The following LONRF1 variants were observed in gnomAD, a reference collection of about 807,000 sequenced individuals.
LONRF1 encodes the protein LON peptidase N-terminal domain and ring finger 1.
Under a neutral mutation model 85.8 loss-of-function variants are expected in LONRF1, and 37 were observed. That is an observed-to-expected ratio of 0.43 (90% confidence interval 0.33 to 0.57). The LOEUF (loss-of-function observed/expected upper bound fraction) is 0.57. LONRF1 is among the 20% of genes least tolerant of loss of function. The pLI is 0.04. For synonymous variants in LONRF1, 517 were observed against 390.1 expected, an observed-to-expected ratio of 1.33 and a Z score of -3.83; for missense variants, 1,036 against 978.0, an observed-to-expected ratio of 1.06 and a Z score of -0.79.
chr8:12,723,874 A>C (rs1806037079), intron 11 of LONRF1, among the ~76,000 whole-genome samples: 1 of 152,236 alleles, frequency 6.6e-6, no homozygotes, highest in Non-Finnish European at 1.5e-5. Flanking sequence ...TTGTTCAAAA[A>C]AGAAACATAT....
Position 12,754,954 on chromosome 8 carries a change from C to A in LONRF1, c.467G>T (p.Arg156Leu). 1 of 1,489,704 alleles carries A rather than the reference C, an allele frequency of 6.7e-7. No homozygotes were observed. The highest frequency in any genetic ancestry group is 2.9e-5 in the East Asian group (1 of 35,018). 92.3% of individuals were successfully genotyped at this position (1,489,704 alleles called of 1,614,324 possible). Reference sequence around the variant, plus strand: ...GGGCGGCAGCCGGTCCCGGCAGAGGCGGCAGCGGGCGCGGAGTTCCCTCCG... The same window carrying A: ...GGGCGGCAGCCGGTCCCGGCAGAGGAGGCAGCGGGCGCGGAGTTCCCTCCG... ...CLRRELRARC[R>L]LCRDRLPPAT... Residue 156 changes from arginine (R) to leucine (L), a missense_variant, in exon 1 of 12, where the codon CGC (arginine) becomes CTC (leucine). By Grantham distance (102) the Arg-to-Leu change is moderately radical. Transcript: ENST00000398246.
chr8:12,755,137 A>G lies in LONRF1; in HGVS notation c.284T>C (p.Phe95Ser). The stretch of plus-strand genomic sequence containing the variant: ...CAGCCCGTGGCGGAGCCGGTAGTTG[A>G]ACACCAGGCAGTCCACCAGGGCGCC... ...CLGALVDCLV[F>S]NYRLRHGLGW... The change falls in exon 1 of 12, where the codon TTC (phenylalanine) becomes TCC (serine). Residue 95 changes from phenylalanine to serine, a missense_variant. By Grantham distance (155) the Phe-to-Ser change is radical. This residue lies in a region of LONRF1 where 742 missense variants were observed against 614.4 expected (regional missense o/e 1.21). Coordinates refer to ENST00000398246, the MANE Select transcript of LONRF1 (RefSeq NM_152271.5). The G allele has an allele frequency of 1.4e-6, 2 of 1,451,176 alleles. No individual in the cohort carries two copies. The highest frequency in any genetic ancestry group is 2.5e-5 in the Admixed American group (1 of 40,498). The allele number at this position is 1,451,176 out of a possible 1,614,324, so 89.9% of individuals were successfully genotyped here.
intron 11 of LONRF1, among the ~76,000 whole-genome samples, chr8:12,724,622 T>C (rs1806083802): frequency 6.6e-6 from 1 of 152,174 alleles, no homozygotes; most frequent in Non-Finnish European, 1.5e-5. Context: ...CAGAAAGCAG[T>C]GATACAGGAC....
rs554040876 is a variant in LONRF1 at position 12,727,860 on chromosome 8, C to T, written c.2010+1041G>A. Reference sequence around the variant, plus strand: ...TATAATAAGATAGGACTGCCAACGTCAGACTAATCAGGTTTATCAACAGAG... The same window carrying T: ...TATAATAAGATAGGACTGCCAACGTTAGACTAATCAGGTTTATCAACAGAG... On this transcript the variant is annotated intron_variant, in intron 10 of 11. Transcript: ENST00000398246. Among the ~76,000 whole-genome samples, 22 of 152,316 alleles carry T rather than the reference C, an allele frequency of 1.4e-4. No homozygotes were observed. The South Asian group carries it at 4.3e-3, about 30-fold the overall frequency.
chr8:12,731,362 T>C (rs1187427483), intron 8 of LONRF1, among the ~76,000 whole-genome samples: 1 of 152,124 alleles, frequency 6.6e-6, no homozygotes, highest in African/African-American at 2.4e-5. Flanking sequence ...AATCCCCTGC[T>C]AATCTAGGCT....
chr8:12,731,418 C>T (rs910322397), intron 8 of LONRF1, among the ~76,000 whole-genome samples: 9 of 152,264 alleles, frequency 5.9e-5, no homozygotes, highest in African/African-American at 1.7e-4. Context: ...ACATGAGAGC[C>T]GCCATCACCA....
chr8:12,737,399 A>G (rs767658819), intron 4 of LONRF1: 2 of 633,010 alleles, frequency 3.2e-6, no homozygotes, highest in Non-Finnish European at 5.8e-6. Context: ...GCCTGAACAT[A>G]TATCGACTTT....
At chr8:12,736,023 T>G (rs1019358978) in intron 6 of LONRF1, among the ~76,000 whole-genome samples, 3 of 152,164 alleles carry the variant, frequency 2.0e-5, no homozygotes, top group African/African-American at 7.2e-5. Flanking sequence ...TAGAAATAGA[T>G]TTAGAGGTAC....
chr8:12,726,772 A>C (rs1008552565), intron 10 of LONRF1, among the ~76,000 whole-genome samples: 4 of 152,226 alleles, frequency 2.6e-5, no homozygotes, highest in African/African-American at 9.6e-5. Context: ...ATTTAAAAAC[A>C]ACAAAGGGAC....
chr8:12,754,363 C>T (rs1396994640), intron 1 of LONRF1: 1 of 208,718 alleles, frequency 4.8e-6, no homozygotes, highest in Non-Finnish European at 9.5e-6. Context: ...CCAGCTACCA[C>T]CCATCCCGCG....
chr8:12,726,088 C>T, intron 10 of LONRF1: 1 of 449,756 alleles, frequency 2.2e-6, no homozygotes, highest in Non-Finnish European at 4.0e-6. Flanking sequence ...CAAGGCCTGA[C>T]CTATGCCTAA....
intron 1 of LONRF1, among the ~76,000 whole-genome samples, chr8:12,746,304 C>T (rs1031602276): frequency 6.6e-6 from 1 of 152,162 alleles, no homozygotes; most frequent in Non-Finnish European, 1.5e-5. Flanking sequence ...ATCTCTCCAG[C>T]CTTAATTATC....
At chr8:12,745,465 C>T (rs890747293) in intron 1 of LONRF1, among the ~76,000 whole-genome samples, 4 of 152,114 alleles carry the variant, frequency 2.6e-5, no homozygotes, top group African/African-American at 9.7e-5. Context: ...AAAGCATACA[C>T]AAGGTCTGCC....
At position 12,722,975 on chromosome 8, in the gene LONRF1, AG is replaced by A; in HGVS notation, c.*120del. The A allele has an allele frequency of 2.1e-6, 2 of 962,786 alleles. No homozygotes were observed. The highest frequency in any genetic ancestry group is 1.8e-5 in the South Asian group (1 of 56,310). 59.6% of individuals were successfully genotyped at this position (962,786 alleles called of 1,614,324 possible). ...AGAACCACATGATTCAGGAGGTCGAAGGAAAAAGAAAAGTTTCATTAAATTT... is the reference window on the plus strand; with the variant it reads ...AGAACCACATGATTCAGGAGGTCGAAGAAAAAGAAAAGTTTCATTAAATTT... On this transcript the variant is annotated 3_prime_UTR_variant, in exon 12 of 12. Coordinates refer to ENST00000398246, the MANE Select transcript of LONRF1 (RefSeq NM_152271.5).
At chr8:12,749,605 G>A (rs1269629494) in intron 1 of LONRF1, among the ~76,000 whole-genome samples, 1 of 151,998 alleles carries the variant, frequency 6.6e-6, no homozygotes, top group Non-Finnish European at 1.5e-5. Context: ...ATTCAGTTTT[G>A]GTAAATTCTG....
intron 7 of LONRF1, among the ~76,000 whole-genome samples, chr8:12,732,842 C>G (rs1050013193): frequency 2.0e-5 from 3 of 152,126 alleles, no homozygotes; most frequent in African/African-American, 7.2e-5. Context: ...AAAGAAAATG[C>G]CCAATACATA....
At position 12,725,747 on chromosome 8, in the gene LONRF1, C is replaced by T. The variant is rs374942182; in HGVS notation, c.2143G>A (p.Glu715Lys). 1.7e-5 allele frequency: 27 copies of T among 1,612,926 alleles called. No homozygotes were observed. The highest frequency in any genetic ancestry group is 9.3e-5 in the African/African-American group (7 of 74,908). The part of the protein sequence containing the change: ...QILQHFGSMP[E>K]REENLQAAPN... ...CATACCTGAAGGTTTTCCTCCCTCT[C>T]GGGCATTGATCCGAAATGCTGAAGA... The change falls in exon 11 of 12, where the codon GAG becomes AAG. Residue 715 changes from glutamate to lysine, a missense_variant. Physicochemically the swap from Glu to Lys is moderately conservative, Grantham distance 56. Transcript: ENST00000398246.
At chr8:12,731,691 T>A in intron 8 of LONRF1, 45 bp downstream of exon 8, 1 of 1,555,000 alleles carries the variant, frequency 6.4e-7, no homozygotes, top group Non-Finnish European at 8.8e-7. Context: ...TTCCTTACTA[T>A]TAAAGGGTAG....
chr8:12,753,683 G>A (rs550287261), intron 1 of LONRF1: 2 of 152,292 alleles, frequency 1.3e-5, no homozygotes, highest in East Asian at 1.9e-4. Context: ...GATTTATATA[G>A]AACAACTCTT....
Sources: gnomAD v4.1 joint callset for allele counts (sites outside exome capture counted in the v4.1 genomes callset) on GRCh38, gnomAD v4.1.1 for gene constraint, gnomAD v4.1.1 regional missense constraint, MANE v1.5 for transcripts, NCBI Gene and HGNC (gene_info 2026-07-23, HGNC 2026-07-21) for gene names.